LMO1: variants seen among roughly 807,000 people sequenced by gnomAD.
The protein encoded by LMO1 is rhombotin-1.
LMO1 carries 10 observed loss-of-function variants against 18.0 expected under a neutral mutation model. The ratio of observed to expected loss-of-function variants is 0.55; its 90% CI spans 0.34 to 0.94. LMO1 has a LOEUF of 0.94. Ranked by LOEUF, LMO1 falls within the 40% of genes least tolerant of loss-of-function variation. The probability of loss-of-function intolerance (pLI) is 0.02; values close to 1 mark genes in which losing one functional copy is unlikely to be tolerated. For synonymous variants in LMO1, 77 were observed against 77.9 expected (o/e 0.99, Z 0.06); for missense variants, 183 against 205.7 (o/e 0.89, Z 0.68).
At chr11:8,240,393 A>T (rs1275098680) in intron 1 of LMO1, among the ~76,000 whole-genome samples, 1 of 152,214 alleles carries the variant, frequency 6.6e-6, no homozygotes, top group East Asian at 1.9e-4. Context: ...TCCCCCACAG[A>T]TCTTCCTTGT....
chr11:8,230,648 C>A (rs1952642028), intron 1 of LMO1, 144 bp from the exon 2 acceptor site: 1 of 763,634 alleles, frequency 1.3e-6, no homozygotes, highest in Non-Finnish European at 2.1e-6. Context: ...CGCTTTCTCC[C>A]CAATAACCTC....
chr11:8,268,563 G>C (rs1390949304), upstream of LMO1: 1 of 871,144 alleles, frequency 1.1e-6, no homozygotes, highest in Admixed American at 4.5e-5. Flanking sequence ...CGCCGAGTCC[G>C]GAGAGCCGCG....
chr11:8,263,782 T>C lies in LMO1; in HGVS notation c.-420A>G. The C allele has an allele frequency of 1.9e-6, 2 of 1,074,676 alleles. No homozygotes were observed. The highest frequency in any genetic ancestry group is 2.3e-6 in the Non-Finnish European group (2 of 886,402). 66.6% of individuals were successfully genotyped at this position (1,074,676 alleles called of 1,614,324 possible). ...CAGCTTTCAGCCTCATAAAGTGTTT[T>C]CCCCTCGGATTTAATCTGAATCTCA... On this transcript the variant is annotated 5_prime_UTR_variant, in exon 1 of 4. Transcript: ENST00000335790.
upstream of LMO1, among the ~76,000 whole-genome samples, chr11:8,264,197 T>G (rs182548230): frequency 3.3e-5 from 5 of 149,528 alleles, no homozygotes; most frequent in East Asian, 1.0e-3. Flanking sequence ...CCCGGATTGT[T>G]TGGCAAAGTT....
At chr11:8,232,964 A>G (rs1353490970) in intron 1 of LMO1, among the ~76,000 whole-genome samples, 3 of 152,144 alleles carry the variant, frequency 2.0e-5, no homozygotes, top group African/African-American at 7.2e-5. Context: ...CTGGTCGACA[A>G]TCTCTTCACT....
chr11:8,224,772 A>AC (rs1554989474), intron 3 of LMO1, 51 bp from the exon 4 acceptor site: 1 of 1,239,282 alleles, frequency 8.1e-7, no homozygotes, highest in Non-Finnish European at 1.2e-6. Flanking sequence ...CCAGTGGGTA[A>AC]GGGGGGGGCT....
intron 1 of LMO1, among the ~76,000 whole-genome samples, chr11:8,255,259 C>A (rs542782865): frequency 1.3e-5 from 2 of 152,318 alleles, no homozygotes; most frequent in African/African-American, 2.4e-5. Context: ...GTAATCCCAG[C>A]ACTTTGGGAG....
At chr11:8,263,278 T>C (rs1385711353) in intron 1 of LMO1, 60 bp downstream of exon 1, 25 of 1,552,256 alleles carry the variant, frequency 1.6e-5, no homozygotes, top group Non-Finnish European at 2.0e-5. Context: ...TGTGTGTGCC[T>C]GCGCGCCGCG....
chr11:8,251,642 C>T (rs1215347397), intron 1 of LMO1, among the ~76,000 whole-genome samples: 1 of 152,106 alleles, frequency 6.6e-6, no homozygotes, highest in Non-Finnish European at 1.5e-5. Context: ...ATCCAGCAGC[C>T]CCCGGCGCTG....
At chr11:8,263,983 C>T, upstream of LMO1, 2 of 537,508 alleles carry the variant, frequency 3.7e-6, no homozygotes, top group Non-Finnish European at 4.9e-6. Flanking sequence ...CTCCGCAGCG[C>T]CACCTGGAGG....
intron 1 of LMO1, among the ~76,000 whole-genome samples, chr11:8,240,926 G>T (rs183583686): frequency 1.3e-5 from 2 of 152,234 alleles, no homozygotes; most frequent in African/African-American, 4.8e-5. Context: ...GTTCTTTAGT[G>T]GGGGGAATTT....
At chr11:8,265,312 C>T (rs1847249621), upstream of LMO1, among the ~76,000 whole-genome samples, 2 of 151,994 alleles carry the variant, frequency 1.3e-5, no homozygotes, top group Non-Finnish European at 2.9e-5. Flanking sequence ...CCAGACAATG[C>T]AGGGGGATGG....
At chr11:8,226,786 A>G in intron 3 of LMO1, 189 bp downstream of exon 3, 2 of 1,107,362 alleles carry the variant, frequency 1.8e-6, no homozygotes, top group Non-Finnish European at 2.4e-6. Flanking sequence ...AAGTGCACAC[A>G]TTTGGCTACC....
At chr11:8,251,960 TTGTGTGTGGGGGTGTGCG>T (rs1474190612) in intron 1 of LMO1, among the ~76,000 whole-genome samples, 1 of 138,654 alleles carries the variant, frequency 7.2e-6, no homozygotes, top group Non-Finnish European at 1.6e-5. Flanking sequence ...GAGTGTGTGT[TTGTGTGTGGGGGTGTGCG>T]TGTGTGGGGG....
chr11:8,237,054 G>A (rs1952772444), intron 1 of LMO1, among the ~76,000 whole-genome samples: 1 of 152,140 alleles, frequency 6.6e-6, no homozygotes, highest in Non-Finnish European at 1.5e-5. Flanking sequence ...GGAAATGGAA[G>A]AGCATGAACC....
intron 1 of LMO1, among the ~76,000 whole-genome samples, chr11:8,234,025 C>T (rs185179034): frequency 2.2e-3 from 341 of 152,328 alleles, no homozygotes; most frequent in Non-Finnish European, 3.9e-3. Context: ...CCGACACGCA[C>T]GCCTGGGCAC....
At chr11:8,256,669 G>T (rs935294065) in intron 1 of LMO1, among the ~76,000 whole-genome samples, 3 of 148,146 alleles carry the variant, frequency 2.0e-5, no homozygotes, top group Non-Finnish European at 4.5e-5. Flanking sequence ...TTGTTGCTAG[G>T]TTTGGTGGAT....
At chr11:8,237,500 C>A (rs909407901) in intron 1 of LMO1, among the ~76,000 whole-genome samples, 1 of 152,236 alleles carries the variant, frequency 6.6e-6, no homozygotes, top group Non-Finnish European at 1.5e-5. Context: ...GCAGGCGAGG[C>A]CTGAACTAAT....
At chr11:8,263,905 A>C (rs142133879), upstream of LMO1, 742 of 1,025,816 alleles carry the variant, frequency 7.2e-4, 7 homozygotes, top group African/African-American at 0.012. Flanking sequence ...CTACTGCATA[A>C]ATGCACACAT....
Sources: gnomAD v4.1 joint callset for allele counts (sites outside exome capture counted in the v4.1 genomes callset) on GRCh38, gnomAD v4.1.1 for gene constraint, MANE v1.5 for transcripts, NCBI Gene and HGNC (gene_info 2026-07-23, HGNC 2026-07-21) for gene names.